The following GRAMD1C variants were observed in gnomAD, a reference collection of about 807,000 sequenced individuals.
GRAMD1C encodes the protein protein Aster-C.
A neutral mutation model predicts 97.8 loss-of-function variants in GRAMD1C; 89 were observed. That is an observed-to-expected ratio of 0.91 (90% CI 0.77 to 1.09). The LOEUF (loss-of-function observed/expected upper bound fraction) is 1.09. GRAMD1C is among the 50% of genes least tolerant of loss of function. The pLI is 0.00. For missense variants in GRAMD1C, 740 were observed against 766.4 expected (o/e 0.97, Z 0.41); for synonymous variants, 256 against 267.0 (o/e 0.96, Z 0.40).
At chr3:113,868,745 T>G (rs1302859769) in intron 2 of GRAMD1C, among the ~76,000 whole-genome samples, 1 of 152,156 alleles carries the variant, frequency 6.6e-6, no homozygotes, top group Non-Finnish European at 1.5e-5. Flanking sequence ...TGTCCCAGTT[T>G]TTTATGTTCC....
chr3:113,897,428 C>A, intron 6 of GRAMD1C: 1 of 487,196 alleles, frequency 2.1e-6, no homozygotes, highest in Non-Finnish European at 2.7e-6. Context: ...TTTAATAAAA[C>A]CTGTTTACCT....
intron 2 of GRAMD1C, among the ~76,000 whole-genome samples, chr3:113,859,225 C>G (rs970357142): frequency 6.6e-6 from 1 of 152,216 alleles, no homozygotes; most frequent in East Asian, 1.9e-4. Context: ...ATAAATTTCT[C>G]TCTCATCTTT....
chr3:113,906,442 A>G (rs1340431834), intron 8 of GRAMD1C, among the ~76,000 whole-genome samples: 1 of 152,210 alleles, frequency 6.6e-6, no homozygotes, highest in Non-Finnish European at 1.5e-5. Flanking sequence ...TTTTAACAAA[A>G]AGGTTTAAAA....
intron 9 of GRAMD1C, among the ~76,000 whole-genome samples, chr3:113,914,638 C>A (rs143152045): frequency 6.6e-6 from 1 of 150,422 alleles, no homozygotes; most frequent in African/African-American, 2.4e-5. Flanking sequence ...TATTGAATTG[C>A]TTTATGTTAC....
At position 113,908,939 on chromosome 3, in the gene GRAMD1C, TG is replaced by T; in HGVS notation, c.790-17del. 1 of 1,491,088 alleles carries T rather than the reference TG, an allele frequency of 6.7e-7. No homozygotes were observed. Among genetic ancestry groups the T allele is most frequent in the Admixed American group, 2.5e-5 (1 of 39,680 alleles). 92.4% of individuals were successfully genotyped at this position (1,491,088 alleles called of 1,614,324 possible). A position where few individuals can be genotyped will look rare whatever the true frequency, so the allele number is the denominator to read the frequency against. On this transcript the variant is annotated intron_variant, in intron 8 of 17. Coordinates refer to ENST00000358160, the MANE Select transcript of GRAMD1C (RefSeq NM_017577.5). Reference sequence around the variant, plus strand: ...CTAAACCTGTGTTTTATTTTGAAACTGGATTGTTTACCTTTTAGGGATTAGG... The same window carrying T: ...CTAAACCTGTGTTTTATTTTGAAACTGATTGTTTACCTTTTAGGGATTAGG...
chr3:113,885,625 A>G, intron 6 of GRAMD1C: 1 of 1,504,326 alleles, frequency 6.6e-7, no homozygotes. Context: ...TTTGTACGTA[A>G]GAGGCCCCAT....
chr3:113,943,839 A>G (rs1027259340), intron 17 of GRAMD1C, among the ~76,000 whole-genome samples: 1 of 152,142 alleles, frequency 6.6e-6, no homozygotes, highest in Non-Finnish European at 1.5e-5. Flanking sequence ...GTTTGAACCC[A>G]GGAGGCGGAG....
intron 6 of GRAMD1C, among the ~76,000 whole-genome samples, chr3:113,887,159 C>G (rs1388495211): frequency 7.1e-6 from 1 of 141,628 alleles, no homozygotes; most frequent in Admixed American, 7.6e-5. Context: ...AGTGGTGGCA[C>G]AATCTCAGAC....
intron 6 of GRAMD1C, 45 bp from the exon 7 acceptor site, chr3:113,900,986 A>G (rs1279173364): frequency 3.1e-6 from 3 of 957,824 alleles, no homozygotes; most frequent in East Asian, 2.4e-5. Flanking sequence ...GTGATATTAT[A>G]TTTTATATTT....
chr3:113,926,545 G>C (rs1472171393), intron 10 of GRAMD1C, among the ~76,000 whole-genome samples: 3 of 152,088 alleles, frequency 2.0e-5, no homozygotes, highest in African/African-American at 7.2e-5. Flanking sequence ...AACCATTGCT[G>C]GGGAACTAGT....
intron 9 of GRAMD1C, among the ~76,000 whole-genome samples, chr3:113,914,279 G>A (rs1936719570): frequency 1.3e-5 from 2 of 152,190 alleles, no homozygotes; most frequent in Non-Finnish European, 2.9e-5. Context: ...CTGCAGTAAA[G>A]AGTTTTTGCC....
chr3:113,871,136 C>T (rs1429035406), intron 3 of GRAMD1C, among the ~76,000 whole-genome samples: 1 of 151,848 alleles, frequency 6.6e-6, no homozygotes, highest in Non-Finnish European at 1.5e-5. Flanking sequence ...ATATATTTAC[C>T]TCCAGAAAAA....
upstream of GRAMD1C, among the ~76,000 whole-genome samples, chr3:113,836,617 T>C (rs1376660916): frequency 2.6e-5 from 4 of 151,636 alleles, no homozygotes; most frequent in African/African-American, 7.3e-5. Flanking sequence ...CCCTGCAACA[T>C]AGCCACAAGT....
intron 3 of GRAMD1C, among the ~76,000 whole-genome samples, chr3:113,873,092 C>CAAAAAA (rs576155098): frequency 0.13 from 4,719 of 35,566 alleles, 857 homozygotes; most frequent in African/African-American, 0.25. Context: ...GACTCCATCT[C>CAAAAAA]AAAAAAAAAA....
At chr3:113,913,930 G>A (rs1936707660) in intron 9 of GRAMD1C, among the ~76,000 whole-genome samples, 1 of 152,100 alleles carries the variant, frequency 6.6e-6, no homozygotes, top group Non-Finnish European at 1.5e-5. Context: ...AGGGAGTGAG[G>A]GAGATTGCAG....
chr3:113,919,262 T>C (rs1345202945), intron 10 of GRAMD1C: 5 of 414,480 alleles, frequency 1.2e-5, no homozygotes, highest in African/African-American at 2.1e-5. Flanking sequence ...GTTTGTGAGA[T>C]TGATATGTCT....
At chr3:113,917,621 C>T (rs983142195) in intron 10 of GRAMD1C, among the ~76,000 whole-genome samples, 2 of 151,972 alleles carry the variant, frequency 1.3e-5, no homozygotes, top group African/African-American at 4.8e-5. Flanking sequence ...TGCACCCAGC[C>T]GCAATTTAGT....
intron 2 of GRAMD1C, among the ~76,000 whole-genome samples, chr3:113,852,493 G>A (rs973073867): frequency 6.6e-6 from 1 of 152,080 alleles, no homozygotes; most frequent in Admixed American, 6.5e-5. Flanking sequence ...TACAAGAAGG[G>A]GACGATTTAA....
chr3:113,850,829 T>G, intron 2 of GRAMD1C: 2 of 461,892 alleles, frequency 4.3e-6, no homozygotes, highest in Non-Finnish European at 6.9e-6. Flanking sequence ...TGAGATGGAG[T>G]ATTGCTCTGT....
Sources: gnomAD v4.1 joint callset for allele counts (sites outside exome capture counted in the v4.1 genomes callset) on GRCh38, gnomAD v4.1.1 for gene constraint, MANE v1.5 for transcripts, NCBI Gene and HGNC (gene_info 2026-07-23, HGNC 2026-07-21) for gene names.